The following DLG2 variants were observed in gnomAD, a reference collection of about 807,000 sequenced individuals.
DLG2 encodes discs large MAGUK scaffold protein 2, also known as disks large homolog 2.
In DLG2, 45 loss-of-function variants were observed where a neutral mutation model predicts 132.5. The ratio of observed to expected loss-of-function variants is 0.34; its 90% CI spans 0.27 to 0.44. DLG2 has a LOEUF of 0.44. Among genes scored for constraint, DLG2 ranks in the 20% least tolerant of loss-of-function variants. The pLI is 1.00. For synonymous variants in DLG2, 424 were observed against 419.6 expected (o/e 1.01, Z -0.13); for missense variants, 1,045 against 1,196.9 (o/e 0.87, Z 1.87).
chr11:84,633,049 G>C (rs986489357), intron 6 of DLG2, among the ~76,000 whole-genome samples: 4 of 152,150 alleles, frequency 2.6e-5, no homozygotes, highest in Non-Finnish European at 5.9e-5. Flanking sequence ...AAGAAAGACT[G>C]GCTACCCAGA....
chr11:84,414,580 C>T (rs1393884947), intron 7 of DLG2, among the ~76,000 whole-genome samples: 9 of 152,096 alleles, frequency 5.9e-5, no homozygotes, highest in South Asian at 2.1e-4. Context: ...TTTATCTGAA[C>T]GGCTTACATG....
At chr11:84,432,895 A>G (rs1238058584) in intron 7 of DLG2, among the ~76,000 whole-genome samples, 2 of 152,044 alleles carry the variant, frequency 1.3e-5, no homozygotes, top group East Asian at 3.9e-4. Flanking sequence ...GTGGTGGCAC[A>G]TGTCTGCAGT....
chr11:84,858,475 G>A (rs1023087201), intron 6 of DLG2, among the ~76,000 whole-genome samples: 53 of 152,050 alleles, frequency 3.5e-4, no homozygotes, highest in Non-Finnish European at 4.0e-4. Context: ...TTAAAATAAA[G>A]CATTGAGGAC....
chr11:84,376,901 G>A (rs1294123190), intron 7 of DLG2, among the ~76,000 whole-genome samples: 1 of 151,954 alleles, frequency 6.6e-6, no homozygotes, highest in Non-Finnish European at 1.5e-5. Context: ...ATTAATGACA[G>A]AATTAGAAAA....
chr11:85,455,015 G>C (rs1203234557), intron 3 of DLG2, among the ~76,000 whole-genome samples: 3 of 151,910 alleles, frequency 2.0e-5, no homozygotes, highest in East Asian at 3.9e-4. Context: ...ATTCTTTTTT[G>C]GCTCTACATA....
intron 6 of DLG2, among the ~76,000 whole-genome samples, chr11:84,708,486 A>G (rs529464413): frequency 3.1e-4 from 47 of 152,010 alleles, no homozygotes; most frequent in African/African-American, 9.6e-4. Context: ...CTAGTGGAAG[A>G]ACAAAGGTGC....
intron 6 of DLG2, among the ~76,000 whole-genome samples, chr11:84,593,971 A>G (rs1565399998): frequency 6.6e-6 from 1 of 152,192 alleles, no homozygotes; most frequent in Non-Finnish European, 1.5e-5. Context: ...TCAGAACACT[A>G]CTTTTCCCAT....
intron 6 of DLG2, among the ~76,000 whole-genome samples, chr11:84,932,925 G>A (rs942715297): frequency 6.6e-6 from 1 of 152,232 alleles, no homozygotes; most frequent in Middle Eastern, 3.4e-3. Flanking sequence ...CTAGATCCTT[G>A]AGGAATCACC....
chr11:84,032,350 C>T (rs188706617), intron 11 of DLG2, among the ~76,000 whole-genome samples: 138 of 152,256 alleles, frequency 9.1e-4, no homozygotes, highest in African/African-American at 3.2e-3. Context: ...AGAGCTTTAT[C>T]ACTGATGTGG....
intron 6 of DLG2, among the ~76,000 whole-genome samples, chr11:84,721,845 T>C (rs529565268): frequency 1.3e-5 from 2 of 152,294 alleles, no homozygotes; most frequent in East Asian, 3.9e-4. Context: ...ACCCCTAACC[T>C]AAAGGGTTGT....
chr11:85,208,978 G>T (rs545477468), intron 4 of DLG2, among the ~76,000 whole-genome samples: 1 of 152,138 alleles, frequency 6.6e-6, no homozygotes, highest in Non-Finnish European at 1.5e-5. Flanking sequence ...CCCGCAATAT[G>T]TAAGTCCTTT....
At position 83,555,007 on chromosome 11, in the gene DLG2, A is replaced by G. The variant is rs148946458; in HGVS notation, c.1941-13149T>C. Among the ~76,000 whole-genome samples the G allele has an allele frequency of 8.9e-4, 136 of 152,382 alleles. 1 individual carries two copies. In the South Asian group the frequency reaches 9.1e-3, roughly 10 times the overall value. On this transcript the variant is annotated intron_variant, in intron 19 of 27. Coordinates refer to ENST00000376104, the MANE Select transcript of DLG2 (RefSeq NM_001142699.3). Reference sequence around the variant, plus strand: ...AATAATTACCAGTACAACACATCATAAAAAGCAGATGGGCAAGTAATCCAT... The same window carrying G: ...AATAATTACCAGTACAACACATCATGAAAAGCAGATGGGCAAGTAATCCAT...
At chr11:85,176,457 T>C (rs1181029497) in intron 4 of DLG2, among the ~76,000 whole-genome samples, 1 of 152,038 alleles carries the variant, frequency 6.6e-6, no homozygotes, top group Non-Finnish European at 1.5e-5. Flanking sequence ...ATATACAAAT[T>C]TAACTCAAGA....
chr11:83,634,174 A>G (rs756725729), intron 18 of DLG2, among the ~76,000 whole-genome samples: 1 of 152,170 alleles, frequency 6.6e-6, no homozygotes. Flanking sequence ...TTTGTCCTAT[A>G]GCTTTGCCCA....
intron 17 of DLG2, among the ~76,000 whole-genome samples, chr11:83,788,244 T>G (rs1394502653): frequency 6.6e-6 from 1 of 152,222 alleles, no homozygotes; most frequent in Non-Finnish European, 1.5e-5. Context: ...ATCCATACGC[T>G]TAAATTCCAC....
intron 18 of DLG2, among the ~76,000 whole-genome samples, chr11:83,688,181 C>T (rs1327697410): frequency 6.6e-6 from 1 of 152,164 alleles, no homozygotes; most frequent in Non-Finnish European, 1.5e-5. Context: ...TAATCCCACG[C>T]AACGAATTTG....
At chr11:83,736,237 A>C (rs1231564872) in intron 18 of DLG2, among the ~76,000 whole-genome samples, 2 of 152,184 alleles carry the variant, frequency 1.3e-5, no homozygotes, top group African/African-American at 4.8e-5. Flanking sequence ...CCCAAGTCTT[A>C]AACTGATTGG....
chr11:83,718,800 T>C (rs1268437347), intron 18 of DLG2, among the ~76,000 whole-genome samples: 8 of 152,222 alleles, frequency 5.3e-5, no homozygotes, highest in Admixed American at 2.6e-4. Context: ...AATGTTGCCC[T>C]GGGGTAAAAA....
chr11:83,489,334 C>A (rs1555095552), intron 21 of DLG2, among the ~76,000 whole-genome samples: 1 of 151,884 alleles, frequency 6.6e-6, no homozygotes, highest in Non-Finnish European at 1.5e-5. Context: ...CTCTACAAGA[C>A]AAACTATCTG....
Sources: allele counts gnomAD v4.1 joint callset (sites outside exome capture counted in the v4.1 genomes callset), GRCh38; gene constraint gnomAD v4.1.1; transcripts MANE v1.5; gene names NCBI Gene and HGNC (gene_info 2026-07-23, HGNC 2026-07-21).